EPHA5: variants seen among roughly 807,000 people sequenced by gnomAD.
EPHA5 encodes the protein EPH receptor A5.
Under a neutral mutation model 105.0 loss-of-function variants are expected in EPHA5, and 60 were observed. The observed-to-expected ratio is 0.57, with a 90% CI of 0.46 to 0.71. The LOEUF (loss-of-function observed/expected upper bound fraction) is 0.71. Ranked by LOEUF, EPHA5 falls within the 30% of genes least tolerant of loss-of-function variation. The pLI is 0.00. For synonymous variants in EPHA5, 513 were observed against 449.1 expected (o/e 1.14, Z -1.80); for missense variants, 1,218 against 1,274.7 (o/e 0.96, Z 0.68).
At chr4:65,572,837 C>G (rs1341413745) in intron 3 of EPHA5, among the ~76,000 whole-genome samples, 1 of 150,112 alleles carries the variant, frequency 6.7e-6, no homozygotes, top group Non-Finnish European at 1.5e-5. Flanking sequence ...TTGAGACCAG[C>G]CTGGCCAACA....
At chr4:65,554,154 G>GA (rs1056258296) in intron 3 of EPHA5, among the ~76,000 whole-genome samples, 53 of 145,030 alleles carry the variant, frequency 3.7e-4, no homozygotes, top group Admixed American at 1.5e-3. Flanking sequence ...AGCAAGTAAG[G>GA]AAAAAAAAAA....
chr4:65,343,402 C>G (rs1203212683), intron 14 of EPHA5, among the ~76,000 whole-genome samples: 1 of 152,110 alleles, frequency 6.6e-6, no homozygotes, highest in Non-Finnish European at 1.5e-5. Context: ...ATTTTGTCCT[C>G]CTGACACAGA....
intron 11 of EPHA5, among the ~76,000 whole-genome samples, chr4:65,360,570 T>C (rs1185231738): frequency 1.3e-5 from 2 of 151,642 alleles, no homozygotes; most frequent in Non-Finnish European, 3.0e-5. Flanking sequence ...GTCTATAGCA[T>C]AGCTTATTGT....
At chr4:65,363,122 C>T (rs901677996) in intron 11 of EPHA5, among the ~76,000 whole-genome samples, 1 of 151,224 alleles carries the variant, frequency 6.6e-6, no homozygotes, top group Non-Finnish European at 1.5e-5. Flanking sequence ...GCAATGAAGG[C>T]AGGGCAAAAT....
intron 8 of EPHA5, among the ~76,000 whole-genome samples, chr4:65,378,513 C>T (rs578231446): frequency 1.3e-4 from 20 of 152,074 alleles, no homozygotes; most frequent in African/African-American, 4.8e-4. Flanking sequence ...CGTTGCAGCA[C>T]TCAGATTAGG....
At chr4:65,454,463 C>T (rs1321920876) in intron 5 of EPHA5, among the ~76,000 whole-genome samples, 1 of 152,112 alleles carries the variant, frequency 6.6e-6, no homozygotes, top group Non-Finnish European at 1.5e-5. Context: ...AAGGCTATGA[C>T]TTGTTCTATT....
At chr4:65,646,634 A>G (rs1198473860) in intron 1 of EPHA5, among the ~76,000 whole-genome samples, 2 of 152,188 alleles carry the variant, frequency 1.3e-5, no homozygotes, top group South Asian at 2.1e-4. Context: ...TGATGCCACT[A>G]GAAATTTTCT....
chr4:65,533,689 CT>C (rs1736032187), intron 3 of EPHA5, among the ~76,000 whole-genome samples: 1 of 152,114 alleles, frequency 6.6e-6, no homozygotes, highest in African/African-American at 2.4e-5. Context: ...AATCCCAGAA[CT>C]TTGGGAGGCC....
intron 2 of EPHA5, among the ~76,000 whole-genome samples, chr4:65,613,450 C>A (rs1165278142): frequency 1.3e-5 from 2 of 151,934 alleles, no homozygotes; most frequent in African/African-American, 2.4e-5. Context: ...ATTGAATCTG[C>A]AGATTGCTTT....
At chr4:65,606,145 G>C (rs910319596) in intron 2 of EPHA5, among the ~76,000 whole-genome samples, 6 of 151,982 alleles carry the variant, frequency 3.9e-5, no homozygotes, top group Admixed American at 1.3e-4. Flanking sequence ...TTTTCCAGAC[G>C]TCATGTAACC....
intron 3 of EPHA5, among the ~76,000 whole-genome samples, chr4:65,526,855 T>A (rs779850868): frequency 1.3e-5 from 2 of 152,052 alleles, no homozygotes; most frequent in African/African-American, 2.4e-5. Flanking sequence ...TCTGCTTTTT[T>A]ATTTTCAATA....
intron 3 of EPHA5, among the ~76,000 whole-genome samples, chr4:65,589,147 T>C (rs184938624): frequency 1.8e-4 from 28 of 152,252 alleles, no homozygotes; most frequent in Non-Finnish European, 3.5e-4. Flanking sequence ...CATTATGTAC[T>C]GAGAGCAATA....
Position 65,404,498 on chromosome 4 carries a change from A to G in EPHA5, c.1688-19T>C, listed in dbSNP as rs1319183540. 3.1e-6 allele frequency: 5 copies of G among 1,609,320 alleles called. No homozygotes were observed. The highest frequency in any genetic ancestry group is 1.1e-5 in the South Asian group (1 of 90,954). Reference sequence around the variant, plus strand: ...GCAACTGCTGATAGGAGATACAGAAAATGGAGCTTGTGGTTAAAGTGATCA... The same window carrying G: ...GCAACTGCTGATAGGAGATACAGAAGATGGAGCTTGTGGTTAAAGTGATCA... On this transcript the variant is annotated intron_variant, in intron 7 of 16. Coordinates refer to ENST00000613740, the MANE Select transcript of EPHA5 (RefSeq NM_001281766.3).
intron 3 of EPHA5, among the ~76,000 whole-genome samples, chr4:65,576,060 A>C (rs1740940868): frequency 2.5e-5 from 1 of 40,050 alleles, no homozygotes; most frequent in Non-Finnish European, 5.1e-5. Context: ...GAAAGAAAGA[A>C]AAGAAAAGAA....
chr4:65,639,530 C>T (rs1006408837), intron 2 of EPHA5, among the ~76,000 whole-genome samples: 2 of 152,158 alleles, frequency 1.3e-5, no homozygotes, highest in Non-Finnish European at 2.9e-5. Flanking sequence ...CCCTCTTTGG[C>T]TTTTGACAGT....
intron 3 of EPHA5, among the ~76,000 whole-genome samples, chr4:65,497,580 G>C (rs1193587896): frequency 6.6e-6 from 1 of 151,888 alleles, no homozygotes; most frequent in African/African-American, 2.4e-5. Context: ...TATCCTTTTA[G>C]TAAAACCATT....
intron 5 of EPHA5, among the ~76,000 whole-genome samples, chr4:65,475,437 C>T (rs1729700271): frequency 6.6e-6 from 1 of 152,054 alleles, no homozygotes; most frequent in African/African-American, 2.4e-5. Flanking sequence ...CATGCATATG[C>T]TTGATTTAAA....
At chr4:65,590,828 T>C (rs1404864296) in intron 3 of EPHA5, among the ~76,000 whole-genome samples, 1 of 152,140 alleles carries the variant, frequency 6.6e-6, no homozygotes, top group Non-Finnish European at 1.5e-5. Flanking sequence ...GGACCTAGGA[T>C]GTAACAGTAC....
chr4:65,646,413 C>T (rs940474653), intron 1 of EPHA5, among the ~76,000 whole-genome samples: 1 of 152,190 alleles, frequency 6.6e-6, no homozygotes, highest in African/African-American at 2.4e-5. Context: ...TGGTTCTCAA[C>T]ATGGAGATAT....
Sources: allele counts gnomAD v4.1 joint callset (sites outside exome capture counted in the v4.1 genomes callset), GRCh38; gene constraint gnomAD v4.1.1; transcripts MANE v1.5; gene names NCBI Gene and HGNC (gene_info 2026-07-23, HGNC 2026-07-21).